The following COLEC12 variants were observed in gnomAD, a reference collection of about 807,000 sequenced individuals.
COLEC12 encodes collectin-12.
COLEC12 carries 33 observed loss-of-function variants against 71.1 expected under a neutral mutation model. That is an observed-to-expected ratio of 0.46 (90% CI 0.35 to 0.62). The LOEUF is 0.62. Ranked by LOEUF, COLEC12 falls within the 20% of genes least tolerant of loss-of-function variation. COLEC12 has a pLI of 0.00. For synonymous variants in COLEC12, 350 were observed against 353.0 expected (o/e 0.99, Z 0.10); for missense variants, 765 against 916.1 (o/e 0.84, Z 2.13).
intron 2 of COLEC12, among the ~76,000 whole-genome samples, chr18:475,938 G>A (rs981659558): frequency 3.9e-5 from 6 of 152,170 alleles, no homozygotes; most frequent in South Asian, 2.1e-4. Flanking sequence ...AGGCTGCTTC[G>A]ACATGCTCGG....
chr18:432,945 G>A (rs181411425), intron 2 of COLEC12, among the ~76,000 whole-genome samples: 104 of 152,286 alleles, frequency 6.8e-4, no homozygotes, highest in African/African-American at 2.4e-3. Context: ...TGTCACTGAG[G>A]AAGTTTTGGA....
At chr18:443,604 G>A (rs535488852) in intron 2 of COLEC12, among the ~76,000 whole-genome samples, 1 of 152,344 alleles carries the variant, frequency 6.6e-6, no homozygotes, top group East Asian at 1.9e-4. Context: ...GTCTCATGGT[G>A]TAGGGTAAGG....
intron 2 of COLEC12, among the ~76,000 whole-genome samples, chr18:383,142 T>A (rs1333917088): frequency 6.6e-6 from 1 of 152,196 alleles, no homozygotes; most frequent in Non-Finnish European, 1.5e-5. Flanking sequence ...GGAAGTTCAT[T>A]CTTGTGGCAT....
At position 500,544 on chromosome 18, in the gene COLEC12, GGAGCTCCGCGC is replaced by G; in HGVS notation, c.-41_-31del. On this transcript the variant is annotated 5_prime_UTR_variant, in exon 1 of 10. Coordinates refer to ENST00000400256, the MANE Select transcript of COLEC12 (RefSeq NM_130386.3). The surrounding 1 kb of genome is among the most constrained non-coding windows in gnomAD (Gnocchi z 5.3). ...ACCGTGGGGACGCACCGCCGGCCGG[GGAGCTCCGCGC>G]GAGCGCCGCGCAGCCGAGGAAGTCG... 1 of 1,222,492 alleles carries G rather than the reference GGAGCTCCGCGC, an allele frequency of 8.2e-7. No individual in the cohort carries two copies. Among genetic ancestry groups the G allele is most frequent in the South Asian group, 4.0e-5 (1 of 25,294 alleles). The allele number at this position is 1,222,492 out of a possible 1,614,324, so 75.7% of individuals were successfully genotyped here.
At chr18:416,869 G>T (rs2143646093) in intron 2 of COLEC12, among the ~76,000 whole-genome samples, 1 of 151,332 alleles carries the variant, frequency 6.6e-6, no homozygotes, top group East Asian at 1.9e-4. Context: ...GGGGCGGTGG[G>T]GGGTGGGGGC....
intron 2 of COLEC12, among the ~76,000 whole-genome samples, chr18:375,411 C>T (rs1332785856): frequency 6.6e-6 from 1 of 152,204 alleles, no homozygotes; most frequent in Non-Finnish European, 1.5e-5. Flanking sequence ...ATCATCTTCT[C>T]AGAGAGGCCT....
intron 1 of COLEC12, among the ~76,000 whole-genome samples, chr18:492,127 G>C (rs1315796505): frequency 6.6e-6 from 1 of 152,164 alleles, no homozygotes; most frequent in Non-Finnish European, 1.5e-5. Flanking sequence ...TATCACAGGA[G>C]ATTCATTTTG....
rs567066299 is a variant in COLEC12, at chr18:369,394, T to TA, written c.59-11873_59-11872insT. On this transcript the variant is annotated intron_variant, in intron 2 of 9. Coordinates refer to ENST00000400256, the MANE Select transcript of COLEC12 (RefSeq NM_130386.3). ...CGGAGGTGATACAGATCTTTTTTTTTTTATTTTTTTTTATTTTTATTTTTA... is the reference window on the plus strand; with the variant it reads ...CGGAGGTGATACAGATCTTTTTTTTTATTATTTTTTTTTATTTTTATTTTTA... Among the ~76,000 whole-genome samples the TA allele has an allele frequency of 5.0e-3, 718 of 143,106 alleles. 2 individuals carry two copies. The highest frequency in any genetic ancestry group is 0.01 in the Middle Eastern group (3 of 286). The allele number at this position is 143,106 out of a possible 152,430, so 93.9% of individuals were successfully genotyped here. A position where few individuals can be genotyped will look rare whatever the true frequency, so the allele number is the denominator to read the frequency against.
At chr18:447,682 A>G (rs1160233164) in intron 2 of COLEC12, among the ~76,000 whole-genome samples, 1 of 152,194 alleles carries the variant, frequency 6.6e-6, no homozygotes, top group Non-Finnish European at 1.5e-5. Context: ...ACCTCTCCAC[A>G]TATACTTGAC....
intron 2 of COLEC12, among the ~76,000 whole-genome samples, chr18:434,949 C>T (rs1916375170): frequency 1.3e-5 from 2 of 152,204 alleles, no homozygotes; most frequent in African/African-American, 2.4e-5. Flanking sequence ...CGAGGCCATG[C>T]TCACAACATT....
chr18:319,465 T>A lies in COLEC12; in HGVS notation c.*580A>T, dbSNP rs536368969. ...AGGAAACCCTAGGAGTTTTTATTAG[T>A]ACCATTATTGTTTTCTTTGGCTCCA... On this transcript the variant is annotated 3_prime_UTR_variant, in exon 10 of 10. Transcript: ENST00000400256. The A allele has an allele frequency of 2.0e-5, 3 of 146,390 alleles. No individual in the cohort carries two copies. The highest frequency in any genetic ancestry group is 4.0e-4 in the East Asian group (2 of 5,028). The allele number at this position is 146,390 out of a possible 1,614,324, so 9.1% of individuals were successfully genotyped here. A position where few individuals can be genotyped will look rare whatever the true frequency, so the allele number is the denominator to read the frequency against.
At chr18:442,777 C>T (rs1916568597) in intron 2 of COLEC12, among the ~76,000 whole-genome samples, 1 of 152,198 alleles carries the variant, frequency 6.6e-6, no homozygotes, top group Non-Finnish European at 1.5e-5. Flanking sequence ...CTGGCTAACA[C>T]GGTGAAACCC....
intron 2 of COLEC12, among the ~76,000 whole-genome samples, chr18:478,703 C>T (rs747906914): frequency 9.8e-5 from 15 of 152,330 alleles, no homozygotes; most frequent in Admixed American, 4.6e-4. Context: ...GGATATCCAT[C>T]GCCTTGCCTA....
At chr18:365,440 C>A (rs748815312) in intron 2 of COLEC12, among the ~76,000 whole-genome samples, 1 of 152,090 alleles carries the variant, frequency 6.6e-6, no homozygotes, top group East Asian at 1.9e-4. Flanking sequence ...TATGCAGGAG[C>A]CTTGATCAGT....
At chr18:422,910 G>T (rs140353718) in intron 2 of COLEC12, among the ~76,000 whole-genome samples, 2 of 152,148 alleles carry the variant, frequency 1.3e-5, no homozygotes, top group African/African-American at 4.8e-5. Flanking sequence ...AGACACAACT[G>T]GACCCACAGC....
intron 1 of COLEC12, among the ~76,000 whole-genome samples, chr18:498,977 T>C (rs1442489058): frequency 6.6e-6 from 1 of 152,142 alleles, no homozygotes; most frequent in African/African-American, 2.4e-5. Flanking sequence ...TGGGAGCTGA[T>C]GGAGTGGGTA....
chr18:460,196 A>G (rs1034942675), intron 2 of COLEC12, among the ~76,000 whole-genome samples: 2 of 152,202 alleles, frequency 1.3e-5, no homozygotes, highest in African/African-American at 4.8e-5. Context: ...GGCCAAGAAT[A>G]AAATATGGGC....
At chr18:473,843 T>G (rs1917252377) in intron 2 of COLEC12, among the ~76,000 whole-genome samples, 1 of 152,184 alleles carries the variant, frequency 6.6e-6, no homozygotes, top group African/African-American at 2.4e-5. Context: ...TTCTTTAACT[T>G]TTCCAAAAAT....
At chr18:486,091 TACTC>T in intron 1 of COLEC12, among the ~76,000 whole-genome samples, 1 of 152,378 alleles carries the variant, frequency 6.6e-6, no homozygotes, top group East Asian at 1.9e-4. Context: ...CCTTTTTGCA[TACTC>T]ACCATGTTTG....
Sources: allele counts gnomAD v4.1 joint callset (sites outside exome capture counted in the v4.1 genomes callset), GRCh38; gene constraint gnomAD v4.1.1; non-coding constraint Gnocchi (gnomAD v3.1); transcripts MANE v1.5; gene names NCBI Gene and HGNC (gene_info 2026-07-23, HGNC 2026-07-21).